The following CRTAC1 variants were observed in gnomAD, a reference collection of about 807,000 sequenced individuals.
The protein encoded by CRTAC1 is acidic secreted protein in cartilage.
In CRTAC1, 37 loss-of-function variants were observed where a neutral mutation model predicts 67.8. That is an observed-to-expected ratio of 0.55 (90% CI 0.42 to 0.72). The LOEUF (loss-of-function observed/expected upper bound fraction) is 0.72, where lower values mean the gene tolerates loss of function less well. Among genes scored for constraint, CRTAC1 ranks in the 30% least tolerant of loss-of-function variants. The probability of loss-of-function intolerance (pLI) is 0.00; values close to 1 mark genes in which losing one functional copy is unlikely to be tolerated. For missense variants in CRTAC1, 780 were observed against 931.6 expected (o/e 0.84, Z 2.12); for synonymous variants, 348 against 371.0 (o/e 0.94, Z 0.71).
intron 2 of CRTAC1, among the ~76,000 whole-genome samples, chr10:98,001,905 A>C (rs1265196710): frequency 6.6e-6 from 1 of 152,268 alleles, no homozygotes; most frequent in Admixed American, 6.5e-5. Context: ...TGTGTGAAGA[A>C]AAACACAGGA....
At chr10:97,919,404 G>C (rs1005366349) in intron 4 of CRTAC1, among the ~76,000 whole-genome samples, 2 of 152,178 alleles carry the variant, frequency 1.3e-5, no homozygotes, top group Admixed American at 6.5e-5. Flanking sequence ...TGAGAAAGAG[G>C]AGGATGTATG....
intron 5 of CRTAC1, among the ~76,000 whole-genome samples, chr10:97,909,672 G>T (rs1409066168): frequency 6.6e-6 from 1 of 152,066 alleles, no homozygotes; most frequent in East Asian, 1.9e-4. Context: ...AAATAGAACT[G>T]CCATATGATC....
In CRTAC1 at chr10:97,923,209, C is replaced by T. The variant is rs991311768; in HGVS notation, c.558+55G>A. ...TCAGGGGACGTCTACACAGTGGCTC[C>T]TCTCCTGGCTCTCATGTGGCTTCTC... On this transcript the variant is annotated intron_variant, in intron 4 of 14. Transcript: ENST00000370597. The T allele has an allele frequency of 8.1e-6, 13 of 1,607,788 alleles. No homozygotes were observed. In the African/African-American group the frequency reaches 1.2e-4, roughly 15 times the overall value.
intron 14 of CRTAC1, chr10:97,870,207 TC>T (rs1468109322): frequency 6.6e-6 from 1 of 152,188 alleles, no homozygotes; most frequent in African/African-American, 2.4e-5. Context: ...TTAAAGAGTT[TC>T]CCTGGTGATT....
At chr10:97,905,263 G>A (rs2050596155) in intron 6 of CRTAC1, among the ~76,000 whole-genome samples, 3 of 152,158 alleles carry the variant, frequency 2.0e-5, no homozygotes, top group Non-Finnish European at 4.4e-5. Context: ...ACAGGGTTCT[G>A]CCTGACCATG....
intron 3 of CRTAC1, among the ~76,000 whole-genome samples, chr10:97,925,555 A>C (rs1313143795): frequency 7.0e-6 from 1 of 143,372 alleles, no homozygotes; most frequent in Non-Finnish European, 1.5e-5. Flanking sequence ...GAGTGTTGAG[A>C]GGGGATGAGT....
At chr10:97,976,718 C>T (rs1214973283) in intron 2 of CRTAC1, among the ~76,000 whole-genome samples, 1 of 152,248 alleles carries the variant, frequency 6.6e-6, no homozygotes, top group Non-Finnish European at 1.5e-5. Context: ...TCCTACTCCA[C>T]TCTGACCCAG....
chr10:97,867,873 T>C (rs1330086999), intron 14 of CRTAC1: 2 of 152,322 alleles, frequency 1.3e-5, no homozygotes, highest in Non-Finnish European at 1.5e-5. Context: ...CTCTGTCTTC[T>C]TGGAGCTTGC....
At chr10:97,901,879 C>T (rs558841322) in intron 7 of CRTAC1, among the ~76,000 whole-genome samples, 4 of 152,294 alleles carry the variant, frequency 2.6e-5, no homozygotes, top group East Asian at 3.9e-4. Context: ...AGTGCTTAGC[C>T]GATCCCTAGT....
intron 13 of CRTAC1, among the ~76,000 whole-genome samples, chr10:97,881,999 G>A (rs986145482): frequency 5.9e-5 from 9 of 152,184 alleles, no homozygotes; most frequent in Admixed American, 5.9e-4. Flanking sequence ...CTGTGTGGTC[G>A]ACAGCTGTTT....
At chr10:97,911,275 A>C (rs2050684939) in intron 5 of CRTAC1, among the ~76,000 whole-genome samples, 1 of 152,200 alleles carries the variant, frequency 6.6e-6, no homozygotes, top group South Asian at 2.1e-4. Context: ...CCAAGCTGTG[A>C]CACATTCCCT....
At chr10:97,945,719 G>A (rs1465002436) in intron 2 of CRTAC1, among the ~76,000 whole-genome samples, 1 of 152,184 alleles carries the variant, frequency 6.6e-6, no homozygotes, top group African/African-American at 2.4e-5. Flanking sequence ...GAGCTGGCCA[G>A]AGTGGAGAAG....
chr10:97,900,426 C>G (rs886722193), intron 8 of CRTAC1, among the ~76,000 whole-genome samples: 2 of 152,230 alleles, frequency 1.3e-5, no homozygotes, highest in African/African-American at 4.8e-5. Context: ...AGTAAATAAA[C>G]CTGTATTTAC....
chr10:97,903,445 C>T (rs111490211), intron 7 of CRTAC1, among the ~76,000 whole-genome samples: 4,795 of 151,742 alleles, frequency 0.032, 245 homozygotes, highest in African/African-American at 0.11. Flanking sequence ...CTGTCCTGGG[C>T]TCAGGGCATG....
At position 97,923,339 on chromosome 10, in the gene CRTAC1, C is replaced by T. The variant is rs1329735155; in HGVS notation, c.483G>A (p.Leu161=). The change falls in exon 4 of 15, where the codon CTG becomes CTA. Residue 161 remains leucine, a synonymous_variant. Coordinates refer to ENST00000370597, the MANE Select transcript of CRTAC1 (RefSeq NM_018058.7). ...CACGGGCCACGTTGACCTCATCGCT[C>T]AGGATGTCTTCCCACCGGTTATTGC... ...KFRNNRWEDI[L]SDEVNVARGV... 3.7e-6 allele frequency: 6 copies of T among 1,614,032 alleles called. No individual in the cohort carries two copies. The South Asian group carries it at 5.5e-5, about 15-fold the overall frequency.
chr10:97,952,538 C>CAA (rs397844653), intron 2 of CRTAC1, among the ~76,000 whole-genome samples: 698 of 63,558 alleles, frequency 0.011, 14 homozygotes, highest in African/African-American at 0.027. Context: ...AATTCCATCT[C>CAA]AAAAAAAAAA....
chr10:97,923,631 C>T (rs147093851), intron 3 of CRTAC1, among the ~76,000 whole-genome samples: 113 of 152,242 alleles, frequency 7.4e-4, no homozygotes, highest in Middle Eastern at 3.4e-3. Context: ...CTGGCCCAGG[C>T]CTCAGGAACT....
intron 4 of CRTAC1, among the ~76,000 whole-genome samples, chr10:97,920,114 G>C (rs2050816127): frequency 1.3e-5 from 2 of 152,128 alleles, no homozygotes; most frequent in African/African-American, 4.8e-5. Flanking sequence ...TGTGCAGAAT[G>C]ACTGGATGAA....
intron 1 of CRTAC1, among the ~76,000 whole-genome samples, chr10:98,028,941 T>C (rs1365105471): frequency 6.6e-6 from 1 of 152,134 alleles, no homozygotes; most frequent in African/African-American, 2.4e-5. Context: ...TTCGACCTTT[T>C]CCAGAGTCCA....
Sources: gnomAD v4.1 joint callset for allele counts (sites outside exome capture counted in the v4.1 genomes callset) on GRCh38, gnomAD v4.1.1 for gene constraint, MANE v1.5 for transcripts, NCBI Gene and HGNC (gene_info 2026-07-23, HGNC 2026-07-21) for gene names.